MACF1: variants seen among roughly 807,000 people sequenced by gnomAD.
The protein encoded by MACF1 is microtubule-actin cross-linking factor 1.
MACF1 carries 193 observed loss-of-function variants against 854.8 expected under a neutral mutation model. That is an observed-to-expected ratio of 0.23 (90% CI 0.20 to 0.25). MACF1 has a LOEUF of 0.25. Among genes scored for constraint, MACF1 ranks in the 10% least tolerant of loss-of-function variants. The pLI, the probability that MACF1 is intolerant of heterozygous loss-of-function variation, is 1.00. For synonymous variants in MACF1, 3,185 were observed against 3,226.7 expected, an observed-to-expected ratio of 0.99 and a Z score of 0.44; for missense variants, 7,722 against 8,929.1, an observed-to-expected ratio of 0.86 and a Z score of 5.45.
rs75468798 is a variant in MACF1 at position 39,430,204 on chromosome 1, T to G, written c.17130+136T>G. Reference sequence around the variant, plus strand: ...TTGTTTACTCATGGACAGTAAGATTTGACATAAAGACATATACGTTACACA... The same window carrying G: ...TTGTTTACTCATGGACAGTAAGATTGGACATAAAGACATATACGTTACACA... On this transcript the variant is annotated intron_variant, in intron 65 of 100. Coordinates refer to ENST00000564288, the MANE Select transcript of MACF1 (RefSeq NM_001394062.1). 6,920 of 937,422 alleles carry G rather than the reference T, an allele frequency of 7.4e-3. 38 individuals carry two copies. Among genetic ancestry groups the G allele is most frequent in the Non-Finnish European group, 9.1e-3 (5,726 of 631,774 alleles). The allele number at this position is 937,422 out of a possible 1,614,324, so 58.1% of individuals were successfully genotyped here.
chr1:39,237,162 T>C (rs1644868909), intron 2 of MACF1, among the ~76,000 whole-genome samples: 1 of 152,204 alleles, frequency 6.6e-6, no homozygotes, highest in Admixed American at 6.5e-5. Flanking sequence ...TCACACCTCC[T>C]TGCTTATTTA....
At chr1:39,454,106 T>C (rs1285592973) in intron 88 of MACF1, among the ~76,000 whole-genome samples, 1 of 152,210 alleles carries the variant, frequency 6.6e-6, no homozygotes, top group Non-Finnish European at 1.5e-5. Context: ...GGAAATCCTG[T>C]GTTAACAGGA....
In MACF1 at chr1:39,460,818, C is replaced by G; in HGVS notation, c.21523+24C>G. On this transcript the variant is annotated intron_variant, in intron 92 of 100. Coordinates refer to ENST00000564288, the MANE Select transcript of MACF1 (RefSeq NM_001394062.1). This position sits in a 1 kb window ranked among gnomAD's most constrained non-coding sequence, Gnocchi z 4.1. ...CAGTGAGTCTAGTCATCATTCCAAA[C>G]ATGGGTCACACCTGGATTCCTTGCA... 1.2e-6 allele frequency: 2 copies of G among 1,613,026 alleles called. No individual in the cohort carries two copies. Among genetic ancestry groups the G allele is most frequent in the Non-Finnish European group, 1.7e-6 (2 of 1,179,050 alleles).
intron 84 of MACF1, among the ~76,000 whole-genome samples, chr1:39,450,616 T>C (rs1348429755): frequency 4.1e-5 from 6 of 146,262 alleles, no homozygotes; most frequent in African/African-American, 5.0e-5. Context: ...ATTTCTTTTT[T>C]TTTTTTTTTT....
At position 39,423,604 on chromosome 1, in the gene MACF1, C is replaced by T. The variant is rs933958500; in HGVS notation, c.16150-424C>T. ...GAGCCGAGATCGAGCCAGTGCACTC[C>T]AGCCTGGGAGACAGAGCGAGACTCT... On this transcript the variant is annotated intron_variant, in intron 60 of 100. Coordinates refer to ENST00000564288, the MANE Select transcript of MACF1 (RefSeq NM_001394062.1). Among the ~76,000 whole-genome samples, 58 of 137,062 alleles carry T rather than the reference C, an allele frequency of 4.2e-4. 1 individual carries two copies. In the Admixed American group the frequency reaches 4.2e-3, roughly 10 times the overall value. 89.9% of individuals were successfully genotyped at this position (137,062 alleles called of 152,430 possible).
chr1:39,344,537 G>C (rs1306362093), intron 40 of MACF1, among the ~76,000 whole-genome samples: 1 of 152,100 alleles, frequency 6.6e-6, no homozygotes, highest in African/African-American at 2.4e-5. Flanking sequence ...TCTGTCCTTT[G>C]ACTTGGGGTT....
In MACF1 at chr1:39,422,512, C is replaced by T. The variant is rs777715162; in HGVS notation, c.15955C>T (p.Arg5319Ter). 1 of 1,612,318 alleles carries T rather than the reference C, an allele frequency of 6.2e-7. No individual in the cohort carries two copies. Among genetic ancestry groups the T allele is most frequent in the African/African-American group, 1.3e-5 (1 of 74,896 alleles). The change falls in exon 59 of 101, where the codon CGA becomes TGA. Residue 5319 changes from arginine (R) to a stop codon, truncating the protein, a stop_gained. Coordinates refer to ENST00000564288, the MANE Select transcript of MACF1 (RefSeq NM_001394062.1). LOFTEE classifies it high-confidence loss of function. Reference protein sequence around the residue: ...LEHDMEEINARWNTLNKKVAQ... With the variant: ...LEHDMEEINA ...ACATGACATGGAAGAGATCAATGCTCGATGGAATACATTGAATAAAAAGGT... is the reference window on the plus strand; with the variant it reads ...ACATGACATGGAAGAGATCAATGCTTGATGGAATACATTGAATAAAAAGGT...
At chr1:39,199,986 A>G (rs1311684863), upstream of MACF1, among the ~76,000 whole-genome samples, 1 of 152,234 alleles carries the variant, frequency 6.6e-6, no homozygotes, top group Non-Finnish European at 1.5e-5. Context: ...TCCTGTTTAC[A>G]GCAAAGTTCC....
intron 2 of MACF1, among the ~76,000 whole-genome samples, chr1:39,188,929 G>A (rs979764353): frequency 1.3e-5 from 2 of 152,074 alleles, no homozygotes; most frequent in Non-Finnish European, 2.9e-5. Context: ...GTAGAGGCGG[G>A]GTTTCACCAT....
intron 2 of MACF1, among the ~76,000 whole-genome samples, chr1:39,232,744 TTG>T (rs1415794187): frequency 2.5e-4 from 8 of 31,886 alleles, no homozygotes; most frequent in African/African-American, 4.8e-4. Context: ...CATACTCTCT[TTG>T]TTTTTTTTTT....
chr1:39,459,863 C>T (rs1644519072), intron 91 of MACF1: 1 of 1,302,428 alleles, frequency 7.7e-7, no homozygotes. Flanking sequence ...TTATTTTTTC[C>T]TTAGGTCAGT....
At position 39,293,618 on chromosome 1, in the gene MACF1, C is replaced by A. The variant is rs1457147107; in HGVS notation, c.2153C>A (p.Ser718Tyr). 1.2e-5 allele frequency: 20 copies of A among 1,612,834 alleles called. No individual in the cohort carries two copies. Among genetic ancestry groups the A allele is most frequent in the Non-Finnish European group, 9.3e-6 (11 of 1,179,270 alleles). The change falls in exon 18 of 101, where the codon TCT becomes TAT. Residue 718 changes from serine (S) to tyrosine (Y), a missense_variant and splice_region_variant. Ser to Tyr is a moderately radical substitution (Grantham distance 144). Coordinates refer to ENST00000564288, the MANE Select transcript of MACF1 (RefSeq NM_001394062.1). Reference sequence around the variant, plus strand: ...ATCTCAGCCAAGAGAAATTACTTCTCTGTGAGTCTAGCACAGTAGCAGGCC... The same window carrying A: ...ATCTCAGCCAAGAGAAATTACTTCTATGTGAGTCTAGCACAGTAGCAGGCC... ...SNISAKRNYF[S>Y]ELTMELEEKQ...
intron 48 of MACF1, among the ~76,000 whole-genome samples, 179 bp from the exon 49 acceptor site, chr1:39,361,181 G>C (rs112901930): frequency 4.5e-4 from 68 of 152,326 alleles, no homozygotes; most frequent in African/African-American, 1.4e-3. Context: ...TGAAAGTGGA[G>C]ATAGCAAAGT....
At chr1:39,298,508 T>A (rs904570302) in intron 21 of MACF1, 1 of 321,988 alleles carries the variant, frequency 3.1e-6, no homozygotes, top group Non-Finnish European at 6.1e-6. Flanking sequence ...GGGAACTTAC[T>A]TTTCCTTTGT....
intron 71 of MACF1, among the ~76,000 whole-genome samples, chr1:39,438,479 G>A (rs980417973): frequency 3.9e-5 from 6 of 152,178 alleles, no homozygotes; most frequent in Non-Finnish European, 7.3e-5. Flanking sequence ...AGAGGAAAAC[G>A]CTAGTATATA....
At chr1:39,413,370 C>T (rs763016429) in intron 58 of MACF1, 2 of 1,408,734 alleles carry the variant, frequency 1.4e-6, no homozygotes, top group Non-Finnish European at 1.9e-6. Flanking sequence ...CAGTGCCCCC[C>T]CCAGAGGAGC....
intron 58 of MACF1, among the ~76,000 whole-genome samples, chr1:39,390,939 C>G (rs760769076): frequency 1.6e-4 from 25 of 151,978 alleles, no homozygotes; most frequent in Non-Finnish European, 3.2e-4. Context: ...AACCCTGTCT[C>G]TACTAAAAAA....
chr1:39,333,329 G>A lies in MACF1; in HGVS notation c.6741G>A (p.Gln2247=), dbSNP rs1646758887. The A allele has an allele frequency of 8.7e-6, 14 of 1,613,956 alleles. No homozygotes were observed. The highest frequency in any genetic ancestry group is 2.2e-5 in the East Asian group (1 of 44,884). The stretch of plus-strand genomic sequence containing the variant: ...ACCATAAAGAAAGTCAAGAAGCACA[G>A]AACATCGCAGGTGGTAGTATGATGA... ...KDDHKESQEA[Q]NIAGGSMMMS... The change falls in exon 37 of 101, where the codon CAG becomes CAA. Residue 2247 remains glutamine (Q), a synonymous_variant. Coordinates refer to ENST00000564288, the MANE Select transcript of MACF1 (RefSeq NM_001394062.1).
At chr1:39,284,289 C>A in intron 10 of MACF1, 44 bp from the exon 11 acceptor site, 1 of 1,564,344 alleles carries the variant, frequency 6.4e-7, no homozygotes, top group Non-Finnish European at 8.7e-7. Context: ...AAAATTGGGT[C>A]CTATAGTTTG....
Sources: allele counts gnomAD v4.1 joint callset (sites outside exome capture counted in the v4.1 genomes callset), GRCh38; gene constraint gnomAD v4.1.1; non-coding constraint Gnocchi (gnomAD v3.1); transcripts MANE v1.5; gene names NCBI Gene and HGNC (gene_info 2026-07-23, HGNC 2026-07-21).